Variants in LARGE1 observed in about 807,000 individuals in gnomAD.
LARGE1 encodes the protein xylosyl- and glucuronyltransferase LARGE1.
LARGE1 carries 43 observed loss-of-function variants against 87.6 expected under a neutral mutation model. That is an observed-to-expected ratio of 0.49 (90% CI 0.38 to 0.63). The LOEUF (loss-of-function observed/expected upper bound fraction) is 0.63. LARGE1 is among the 30% of genes least tolerant of loss of function. LARGE1 has a pLI of 0.00. For missense variants in LARGE1, 802 were observed against 1,000.2 expected, an observed-to-expected ratio of 0.80 and a Z score of 2.67; for synonymous variants, 434 against 394.6, an observed-to-expected ratio of 1.10 and a Z score of -1.18.
upstream of LARGE1, among the ~76,000 whole-genome samples, chr22:33,921,568 G>A (rs2065951608): frequency 6.6e-6 from 1 of 152,198 alleles, no homozygotes; most frequent in South Asian, 2.1e-4. The surrounding 1 kb of genome is among the most constrained non-coding windows in gnomAD (Gnocchi z 4.1). Flanking sequence ...GAGCCCCGCC[G>A]AAGGGCTCTG....
intron 6 of LARGE1, among the ~76,000 whole-genome samples, chr22:33,463,241 T>C (rs541668046): frequency 3.6e-4 from 55 of 150,972 alleles, no homozygotes; most frequent in Non-Finnish European, 4.0e-4. Context: ...CTATATATCA[T>C]TTAAAAGAAA....
chr22:33,901,355 C>T lies in LARGE1; in HGVS notation c.-83+18640G>A, dbSNP rs528158131. On this transcript the variant is annotated intron_variant, in intron 1 of 14. Coordinates refer to ENST00000397394, the MANE Select transcript of LARGE1 (RefSeq NM_133642.5). ...TCATTCAGCACGTGGTACATTGTTA[C>T]GGCTGCCATAGGAAATGAATGCAAA... 4.6e-5 allele frequency among the ~76,000 whole-genome samples: 7 copies of T among 152,224 alleles called. No homozygotes were observed. In the East Asian group the frequency reaches 7.7e-4, roughly 17 times the overall value.
At chr22:33,829,538 G>A (rs1484784187) in intron 1 of LARGE1, among the ~76,000 whole-genome samples, 1 of 152,132 alleles carries the variant, frequency 6.6e-6, no homozygotes, top group Non-Finnish European at 1.5e-5. Flanking sequence ...CACAGTAGGT[G>A]CTCAATAAAT....
At chr22:33,571,099 C>T (rs1336277975) in intron 5 of LARGE1, among the ~76,000 whole-genome samples, 1 of 152,128 alleles carries the variant, frequency 6.6e-6, no homozygotes, top group East Asian at 1.9e-4. Context: ...GATCATTATC[C>T]TTGCAATGGC....
At chr22:33,301,021 T>G (rs1380415595) in intron 12 of LARGE1, among the ~76,000 whole-genome samples, 1 of 152,070 alleles carries the variant, frequency 6.6e-6, no homozygotes, top group Non-Finnish European at 1.5e-5. Context: ...TTATGGGAGA[T>G]CAGTGCTGAG....
intron 4 of LARGE1, among the ~76,000 whole-genome samples, chr22:33,613,238 T>C (rs2079491640): frequency 6.6e-6 from 1 of 152,212 alleles, no homozygotes; most frequent in African/African-American, 2.4e-5. Context: ...ATGTTCCACT[T>C]TGGGTACCAT....
intron 7 of LARGE1, among the ~76,000 whole-genome samples, chr22:33,389,885 ACC>A (rs750991027): frequency 0.09 from 13,568 of 151,004 alleles, 976 homozygotes; most frequent in African/African-American, 0.2. Flanking sequence ...CAACCAACCA[ACC>A]AACCAAACAA....
At chr22:33,895,618 G>A (rs893249165) in intron 1 of LARGE1, among the ~76,000 whole-genome samples, 1 of 152,108 alleles carries the variant, frequency 6.6e-6, no homozygotes, top group Non-Finnish European at 1.5e-5. Context: ...CTGTGGGCAG[G>A]GGTCACCCTC....
chr22:33,701,128 G>A (rs908370054), intron 2 of LARGE1, among the ~76,000 whole-genome samples: 1 of 152,092 alleles, frequency 6.6e-6, no homozygotes, highest in Non-Finnish European at 1.5e-5. Context: ...GATCACACTC[G>A]GAGTGGTCAC....
At chr22:33,762,815 G>C (rs2084780773) in intron 1 of LARGE1, among the ~76,000 whole-genome samples, 1 of 152,152 alleles carries the variant, frequency 6.6e-6, no homozygotes, top group Non-Finnish European at 1.5e-5. Context: ...TGGACCCTAA[G>C]ACCTCATCTC....
chr22:33,463,195 T>C (rs2068449258), intron 6 of LARGE1, among the ~76,000 whole-genome samples: 1 of 151,774 alleles, frequency 6.6e-6, no homozygotes, highest in Non-Finnish European at 1.5e-5. Flanking sequence ...ACTTTTTAGG[T>C]GAAAGATTTT....
At chr22:33,623,636 A>C (rs1310864765) in intron 4 of LARGE1, among the ~76,000 whole-genome samples, 3 of 151,946 alleles carry the variant, frequency 2.0e-5, no homozygotes, top group Non-Finnish European at 4.4e-5. Flanking sequence ...AAACAACTGA[A>C]CTAATAAGTA....
intron 9 of LARGE1, among the ~76,000 whole-genome samples, chr22:33,363,768 G>A (rs908551949): frequency 4.7e-5 from 7 of 150,032 alleles, no homozygotes; most frequent in African/African-American, 7.4e-5. Flanking sequence ...GAGCCATGAC[G>A]AAGTAAAATT....
chr22:33,364,828 C>G (rs1601595682), intron 9 of LARGE1, among the ~76,000 whole-genome samples: 1 of 152,100 alleles, frequency 6.6e-6, no homozygotes, highest in African/African-American at 2.4e-5. Context: ...ACCCAAGTAG[C>G]TGAGACTACA....
chr22:33,145,492 G>A, the LARGE1 span, among the ~76,000 whole-genome samples: 1 of 152,166 alleles, frequency 6.6e-6, no homozygotes, highest in Non-Finnish European at 1.5e-5. Flanking sequence ...ATGGTATCCA[G>A]GTCAGGGACA....
the LARGE1 span, among the ~76,000 whole-genome samples, chr22:33,087,788 A>C: frequency 6.6e-6 from 1 of 152,168 alleles, no homozygotes; most frequent in African/African-American, 2.4e-5. Flanking sequence ...TACAAAAATT[A>C]GCTGGGCTTG....
chr22:33,917,246 A>C (rs1288675115), intron 1 of LARGE1, among the ~76,000 whole-genome samples: 2 of 152,134 alleles, frequency 1.3e-5, no homozygotes, highest in Admixed American at 6.5e-5. Context: ...TCTACCTTGC[A>C]TCTTTCCTGT....
At chr22:33,723,912 C>T (rs239316) in intron 2 of LARGE1, 90,967 of 152,260 alleles carry the variant, frequency 0.6, 29,726 homozygotes, top group African/African-American at 0.88. Flanking sequence ...AGAAATACCA[C>T]AAAGGCAAAC....
intron 1 of LARGE1, among the ~76,000 whole-genome samples, chr22:33,777,763 C>T (rs1193178538): frequency 6.6e-6 from 1 of 152,060 alleles, no homozygotes; most frequent in Non-Finnish European, 1.5e-5. Context: ...GGACTAATGA[C>T]CTTGAGGCCG....
Sources: gnomAD v4.1 joint callset for allele counts (sites outside exome capture counted in the v4.1 genomes callset) on GRCh38, gnomAD v4.1.1 for gene constraint, Gnocchi (gnomAD v3.1) non-coding constraint, MANE v1.5 for transcripts, NCBI Gene and HGNC (gene_info 2026-07-23, HGNC 2026-07-21) for gene names.